The following ALAD variants were observed in gnomAD, a reference collection of about 807,000 sequenced individuals.
The protein encoded by ALAD is delta-aminolevulinic acid dehydratase.
A neutral mutation model predicts 44.4 loss-of-function variants in ALAD; 20 were observed. The observed-to-expected ratio is 0.45, with a 90% CI of 0.32 to 0.65. The LOEUF (loss-of-function observed/expected upper bound fraction) is 0.65. Among genes scored for constraint, ALAD ranks in the 30% least tolerant of loss-of-function variants. The probability of loss-of-function intolerance (pLI) is 0.05; values close to 1 mark genes in which losing one functional copy is unlikely to be tolerated. For missense variants in ALAD, 323 were observed against 445.7 expected, an observed-to-expected ratio of 0.72 and a Z score of 2.48; for synonymous variants, 156 against 167.9, an observed-to-expected ratio of 0.93 and a Z score of 0.55.
chr9:113,391,031 C>T, intron 4 of ALAD, 98 bp from the exon 5 acceptor site: 1 of 1,501,374 alleles, frequency 6.7e-7, no homozygotes. Flanking sequence ...CCTTCTCCTT[C>T]CTTCATCATC....
chr9:113,388,651 A>G (rs147220563), intron 11 of ALAD, among the ~76,000 whole-genome samples: 1,980 of 152,266 alleles, frequency 0.013, 44 homozygotes, highest in African/African-American at 0.045. Context: ...AGTCCCCTTT[A>G]TGGAGTGATA....
chr9:113,392,249 G>A, intron 2 of ALAD, 80 bp from the exon 3 acceptor site: 1 of 1,608,942 alleles, frequency 6.2e-7, no homozygotes, highest in East Asian at 2.2e-5. Context: ...GGGATGGTTG[G>A]GAAGCAGGAA....
chr9:113,393,613 G>A lies in ALAD; in HGVS notation c.-54C>T, dbSNP rs762923699. 11 of 1,444,410 alleles carry A rather than the reference G, an allele frequency of 7.6e-6. No individual in the cohort carries two copies. In the Admixed American group the frequency reaches 1.0e-4, roughly 13 times the overall value. 89.5% of individuals were successfully genotyped at this position (1,444,410 alleles called of 1,614,324 possible). A position where few individuals can be genotyped will look rare whatever the true frequency, so the allele number is the denominator to read the frequency against. On this transcript the variant is annotated 5_prime_UTR_variant, in exon 2 of 12. Transcript: ENST00000409155. ...AGTTGGTTGGAACCGAGGGCTCCTGGGGCATTGGCTGCAGGCTCTGTCTGT... is the reference window on the plus strand; with the variant it reads ...AGTTGGTTGGAACCGAGGGCTCCTGAGGCATTGGCTGCAGGCTCTGTCTGT...
intron 3 of ALAD, 24 bp downstream of exon 3, chr9:113,392,095 G>A: frequency 1.9e-6 from 3 of 1,590,806 alleles, no homozygotes; most frequent in Non-Finnish European, 2.6e-6. Flanking sequence ...CCACCCGCTG[G>A]CCCCCCAACT....
Position 113,389,690 on chromosome 9 carries a change from CA to C in ALAD, c.627-5del. 1 of 1,614,176 alleles carries C rather than the reference CA, an allele frequency of 6.2e-7. No homozygotes were observed. Among genetic ancestry groups the C allele is most frequent in the Admixed American group, 1.7e-5 (1 of 60,030 alleles). The stretch of plus-strand genomic sequence containing the variant: ...TGGGCTTGACTTAGCTGCATCCCTG[CA>C]AAGCAGAGTCATCAGGGTGGGCTCC... On this transcript the variant is annotated splice_region_variant and splice_polypyrimidine_tract_variant and intron_variant, in intron 8 of 11. Transcript: ENST00000409155.
chr9:113,400,940 T>C (rs1366196164), intron 1 of ALAD, among the ~76,000 whole-genome samples: 3 of 151,952 alleles, frequency 2.0e-5, no homozygotes, highest in Non-Finnish European at 4.4e-5. Flanking sequence ...GCACCTCGGG[T>C]TCTGCATCGA....
rs371933814 is a variant in ALAD, at chr9:113,388,860, T to C, written c.931+117A>G. The C allele has an allele frequency of 3.3e-5, 49 of 1,478,012 alleles. No individual in the cohort carries two copies. In the African/African-American group the frequency reaches 3.9e-4, roughly 12 times the overall value. 91.6% of individuals were successfully genotyped at this position (1,478,012 alleles called of 1,614,324 possible). A position where few individuals can be genotyped will look rare whatever the true frequency, so the allele number is the denominator to read the frequency against. Reference sequence around the variant, plus strand: ...CTTCCTCAGTGTGTGTCTGTTTAGATCACTAGTAATTCCCGGAATAAGATC... The same window carrying C: ...CTTCCTCAGTGTGTGTCTGTTTAGACCACTAGTAATTCCCGGAATAAGATC... On this transcript the variant is annotated intron_variant, in intron 11 of 11. Transcript: ENST00000409155.
intron 4 of ALAD, 89 bp from the exon 5 acceptor site, chr9:113,391,022 C>T: frequency 1.3e-6 from 2 of 1,527,850 alleles, no homozygotes; most frequent in Non-Finnish European, 1.8e-6. Flanking sequence ...TAGCCCTGGC[C>T]TTCTCCTTCC....
At chr9:113,390,706 G>A in intron 5 of ALAD, 30 bp from the exon 6 acceptor site, 1 of 1,608,958 alleles carries the variant, frequency 6.2e-7, no homozygotes, top group Non-Finnish European at 8.5e-7. Flanking sequence ...GTTTTGGGGA[G>A]CACCTTGGGC....
chr9:113,394,915 C>T (rs952368273), intron 1 of ALAD, among the ~76,000 whole-genome samples: 1 of 152,082 alleles, frequency 6.6e-6, no homozygotes, highest in East Asian at 1.9e-4. Context: ...ATTAGCTGGG[C>T]GTGGTGGTGC....
At position 113,389,220 on chromosome 9, in the gene ALAD, C is replaced by T. The variant is rs141159567; in HGVS notation, c.802-114G>A. 50 of 1,503,582 alleles carry T rather than the reference C, an allele frequency of 3.3e-5. No homozygotes were observed. The East Asian group carries it at 1.2e-3, about 35-fold the overall frequency. 93.1% of individuals were successfully genotyped at this position (1,503,582 alleles called of 1,614,324 possible). Reference sequence around the variant, plus strand: ...ATCTTGAGCCCCGTGTCCTGGGTTACTGCGGCTGGCAGCCTGGCCCACTCT... The same window carrying T: ...ATCTTGAGCCCCGTGTCCTGGGTTATTGCGGCTGGCAGCCTGGCCCACTCT... On this transcript the variant is annotated intron_variant, in intron 10 of 11. Coordinates refer to ENST00000409155, the MANE Select transcript of ALAD (RefSeq NM_000031.6).
chr9:113,389,217 T>C lies in ALAD; in HGVS notation c.802-111A>G. 2.0e-6 allele frequency: 3 copies of C among 1,516,030 alleles called. No homozygotes were observed. In the South Asian group the frequency reaches 3.6e-5, roughly 18 times the overall value. 93.9% of individuals were successfully genotyped at this position (1,516,030 alleles called of 1,614,324 possible). ...ACCATCTTGAGCCCCGTGTCCTGGG[T>C]TACTGCGGCTGGCAGCCTGGCCCAC... On this transcript the variant is annotated intron_variant, in intron 10 of 11. Transcript: ENST00000409155.
At position 113,389,015 on chromosome 9, in the gene ALAD, G is replaced by A. The variant is rs1296942634; in HGVS notation, c.893C>T (p.Ala298Val). Reference protein sequence around the residue: ...GAQAGAFDLKAAVLEAMTAFR... With the variant: ...GAQAGAFDLKVAVLEAMTAFR... ...GGCAGTCATGGCCTCCAGTACGGCA[G>A]CCTTGAGATCAAATGCCCCGGCCTG... Residue 298 changes from alanine to valine, a missense_variant, in exon 11 of 12, where the codon GCT becomes GTT. Ala to Val is a moderately conservative substitution (Grantham distance 64). Coordinates refer to ENST00000409155, the MANE Select transcript of ALAD (RefSeq NM_000031.6). 1 of 1,613,746 alleles carries A rather than the reference G, an allele frequency of 6.2e-7. No individual in the cohort carries two copies. Among genetic ancestry groups the A allele is most frequent in the African/African-American group, 1.3e-5 (1 of 74,944 alleles).
Position 113,390,351 on chromosome 9 carries a change from A to C in ALAD, c.570+54T>G, listed in dbSNP as rs190575514. On this transcript the variant is annotated intron_variant, in intron 7 of 11. Coordinates refer to ENST00000409155, the MANE Select transcript of ALAD (RefSeq NM_000031.6). ...TGTGATTCTTAGCAGACACGGGGGC[A>C]GGGCTGGTGCAGACTATCTCCTGCC... The C allele has an allele frequency of 3.0e-3, 4,730 of 1,564,324 alleles. 188 individuals are homozygous for C. In the Admixed American group the frequency reaches 0.072, roughly 24 times the overall value.
At chr9:113,392,045 C>G (rs1827599802) in intron 3 of ALAD, 74 bp downstream of exon 3, 1 of 1,394,052 alleles carries the variant, frequency 7.2e-7, no homozygotes, top group Admixed American at 2.0e-5. Flanking sequence ...AGGTCTGCTT[C>G]TGCCTCCCAG....
chr9:113,388,127 A>G lies in ALAD; in HGVS notation c.*173T>C, dbSNP rs1036634249. 2 of 696,104 alleles carry G rather than the reference A, an allele frequency of 2.9e-6. No individual in the cohort carries two copies. The highest frequency in any genetic ancestry group is 5.1e-6 in the Non-Finnish European group (2 of 388,914). The allele number at this position is 696,104 out of a possible 1,614,324, so 43.1% of individuals were successfully genotyped here. The stretch of plus-strand genomic sequence containing the variant: ...AGCTCATAGGATGCAGCTGCGAGTT[A>G]CAAGAGTTAGCATGCTGGCAAAACC... On this transcript the variant is annotated 3_prime_UTR_variant, in exon 12 of 12. Coordinates refer to ENST00000409155, the MANE Select transcript of ALAD (RefSeq NM_000031.6).
intron 9 of ALAD, 25 bp from the exon 10 acceptor site, chr9:113,389,549 G>A (rs755424043): frequency 1.2e-6 from 2 of 1,614,100 alleles, no homozygotes; most frequent in Non-Finnish European, 1.7e-6. Flanking sequence ...TATAATGTGG[G>A]TGGTGCCTAG....
intron 9 of ALAD, 30 bp from the exon 10 acceptor site, chr9:113,389,554 G>A (rs1413758627): frequency 1.9e-6 from 3 of 1,613,978 alleles, no homozygotes; most frequent in Non-Finnish European, 1.7e-6. Context: ...TGTGGGTGGT[G>A]CCTAGGAGGG....
At chr9:113,391,409 G>T in intron 4 of ALAD, 118 bp downstream of exon 4, 1 of 865,780 alleles carries the variant, frequency 1.2e-6, no homozygotes, top group Non-Finnish European at 1.9e-6. Flanking sequence ...TTGCCATGTT[G>T]TCCAGGCTGG....
Sources: gnomAD v4.1 joint callset for allele counts (sites outside exome capture counted in the v4.1 genomes callset) on GRCh38, gnomAD v4.1.1 for gene constraint, MANE v1.5 for transcripts, NCBI Gene and HGNC (gene_info 2026-07-23, HGNC 2026-07-21) for gene names.